Variants in XRCC4 observed in about 807,000 individuals in gnomAD.
XRCC4 encodes X-ray repair cross complementing 4, also known as DNA repair protein XRCC4.
In XRCC4, 28 loss-of-function variants were observed where a neutral mutation model predicts 39.1. That is an observed-to-expected ratio of 0.72 (90% CI 0.53 to 0.98). The LOEUF (loss-of-function observed/expected upper bound fraction) is 0.98, where lower values mean the gene tolerates loss of function less well. Ranked by LOEUF, XRCC4 falls within the 50% of genes least tolerant of loss-of-function variation. The pLI is 0.00. For missense variants in XRCC4, 350 were observed against 376.4 expected (o/e 0.93, Z 0.58); for synonymous variants, 123 against 126.4 (o/e 0.97, Z 0.18).
At chr5:83,303,453 T>A (rs1400288515) in intron 7 of XRCC4, among the ~76,000 whole-genome samples, 1 of 152,120 alleles carries the variant, frequency 6.6e-6, no homozygotes, top group Non-Finnish European at 1.5e-5. Context: ...ATCACATAAA[T>A]GTTGGTTGGT....
At chr5:83,316,351 A>C (rs1755882282) in intron 7 of XRCC4, among the ~76,000 whole-genome samples, 1 of 152,140 alleles carries the variant, frequency 6.6e-6, no homozygotes, top group Non-Finnish European at 1.5e-5. Flanking sequence ...CACACATAAC[A>C]ATATTAACTT....
intron 6 of XRCC4, among the ~76,000 whole-genome samples, chr5:83,258,323 G>A (rs1753624951): frequency 6.6e-6 from 1 of 152,076 alleles, no homozygotes; most frequent in East Asian, 1.9e-4. Context: ...TATTCCGTGT[G>A]TACAATATAC....
chr5:83,138,287 A>ATTT lies in XRCC4; in HGVS notation c.315+27084_315+27085insTTT, dbSNP rs1162854040. ...GCCATACTGCTTGAAGTGCACTATA[A>ATTT]ATAACATCATTTTAAATATGTCAAT... On this transcript the variant is annotated intron_variant, in intron 3 of 7. Transcript: ENST00000396027. Among the ~76,000 whole-genome samples the ATTT allele has an allele frequency of 4.6e-5, 7 of 152,236 alleles. No homozygotes were observed. In the South Asian group the frequency reaches 1.0e-3, roughly 23 times the overall value.
chr5:83,137,060 T>C (rs2112504407), intron 3 of XRCC4, among the ~76,000 whole-genome samples: 1 of 152,278 alleles, frequency 6.6e-6, no homozygotes. Flanking sequence ...TTGTGTACCT[T>C]ATATACAAAA....
At chr5:83,213,611 T>C (rs1379760816) in intron 6 of XRCC4, among the ~76,000 whole-genome samples, 1 of 152,190 alleles carries the variant, frequency 6.6e-6, no homozygotes, top group Non-Finnish European at 1.5e-5. Context: ...CCCAGATGAC[T>C]TCACTGGTGT....
At chr5:83,086,276 G>A (rs968103362) in intron 1 of XRCC4, among the ~76,000 whole-genome samples, 24 of 152,154 alleles carry the variant, frequency 1.6e-4, no homozygotes, top group African/African-American at 5.3e-4. Flanking sequence ...AACCTCTCAC[G>A]CAGTTGAAAA....
intron 2 of XRCC4, among the ~76,000 whole-genome samples, chr5:83,108,805 A>G (rs1001896266): frequency 6.6e-6 from 1 of 151,534 alleles, no homozygotes; most frequent in Non-Finnish European, 1.5e-5. Flanking sequence ...AACATAATGC[A>G]AACACAAAAT....
At chr5:83,310,000 T>C (rs1755651596) in intron 7 of XRCC4, among the ~76,000 whole-genome samples, 1 of 152,134 alleles carries the variant, frequency 6.6e-6, no homozygotes, top group African/African-American at 2.4e-5. Context: ...TATTCAGGAA[T>C]GACAAATAAT....
chr5:83,324,201 T>A (rs1290900993), intron 7 of XRCC4, among the ~76,000 whole-genome samples: 1 of 152,120 alleles, frequency 6.6e-6, no homozygotes, highest in African/African-American at 2.4e-5. Flanking sequence ...CAGAAAATAT[T>A]AATAAGGTGA....
At chr5:83,132,139 A>G (rs1747624105) in intron 3 of XRCC4, among the ~76,000 whole-genome samples, 1 of 151,984 alleles carries the variant, frequency 6.6e-6, no homozygotes, top group African/African-American at 2.4e-5. Flanking sequence ...TTCACTTATG[A>G]AGCTTAGTTT....
chr5:83,297,113 C>T (rs307316), intron 7 of XRCC4, among the ~76,000 whole-genome samples: 136,236 of 151,898 alleles, frequency 0.9, 61,140 homozygotes, highest in East Asian at 0.94. Flanking sequence ...GCAGAATTTC[C>T]TAACAAAATA....
At chr5:83,084,287 T>C (rs1215331520) in intron 1 of XRCC4, among the ~76,000 whole-genome samples, 1 of 152,210 alleles carries the variant, frequency 6.6e-6, no homozygotes, top group East Asian at 1.9e-4. Context: ...TAATGCATTG[T>C]ATAGCCCTGG....
chr5:83,111,203 A>G lies in XRCC4; in HGVS notation c.315A>G (p.Ser105=). Residue 105 remains serine, a splice_region_variant and synonymous_variant, in exon 3 of 8, where the codon TCA becomes TCG. Coordinates refer to ENST00000396027, the MANE Select transcript of XRCC4 (RefSeq NM_003401.5). ...TTGAGAAAAACCTGAAAGATGTCTC[A>G]GTAAGTAAAACTTTCCAAAATGTTA... is the stretch of plus-strand genomic sequence containing the variant. ...FFFEKNLKDV[S]FRLGSFNLEK... 4.4e-6 allele frequency: 7 copies of G among 1,578,100 alleles called. No individual in the cohort carries two copies. The highest frequency in any genetic ancestry group is 6.0e-6 in the Non-Finnish European group (7 of 1,167,676).
At chr5:83,120,105 A>G (rs1296983986) in intron 3 of XRCC4, among the ~76,000 whole-genome samples, 1 of 152,144 alleles carries the variant, frequency 6.6e-6, no homozygotes, top group Admixed American at 6.6e-5. Flanking sequence ...GGACATTTCA[A>G]TTTAACAATA....
intron 3 of XRCC4, among the ~76,000 whole-genome samples, chr5:83,194,617 A>G (rs1054883266): frequency 2.6e-5 from 4 of 152,246 alleles, no homozygotes; most frequent in African/African-American, 9.6e-5. Context: ...GATAAATGGC[A>G]TAATAGAAAT....
chr5:83,127,255 C>G (rs562514773), intron 3 of XRCC4, among the ~76,000 whole-genome samples: 104 of 152,138 alleles, frequency 6.8e-4, no homozygotes, highest in Admixed American at 1.3e-3. Flanking sequence ...AAAACTTAAC[C>G]CCTGATATGG....
chr5:83,139,041 T>A (rs547145499), intron 3 of XRCC4, among the ~76,000 whole-genome samples: 37 of 152,292 alleles, frequency 2.4e-4, no homozygotes, highest in African/African-American at 8.4e-4. Flanking sequence ...AACTAAGAAA[T>A]TAACATTGAC....
At chr5:83,220,146 A>T (rs1186298928) in intron 6 of XRCC4, among the ~76,000 whole-genome samples, 1 of 152,144 alleles carries the variant, frequency 6.6e-6, no homozygotes, top group Non-Finnish European at 1.5e-5. Flanking sequence ...TACTACAATT[A>T]ATCAATTTTT....
chr5:83,163,633 C>A (rs1276572690), intron 3 of XRCC4, among the ~76,000 whole-genome samples: 5 of 152,140 alleles, frequency 3.3e-5, no homozygotes, highest in Admixed American at 6.5e-5. Context: ...GCAACTCCTA[C>A]GAGTCTATGA....
Sources: gnomAD v4.1 joint callset for allele counts (sites outside exome capture counted in the v4.1 genomes callset) on GRCh38, gnomAD v4.1.1 for gene constraint, MANE v1.5 for transcripts, NCBI Gene and HGNC (gene_info 2026-07-23, HGNC 2026-07-21) for gene names.